The following TBC1D22A variants were observed in gnomAD, a reference collection of about 807,000 sequenced individuals.
TBC1D22A encodes putative GTPase activator.
Under a neutral mutation model 60.2 loss-of-function variants are expected in TBC1D22A, and 38 were observed. The ratio of observed to expected loss-of-function variants is 0.63; its 90% CI spans 0.49 to 0.83. TBC1D22A has a LOEUF of 0.83. Ranked by LOEUF, TBC1D22A falls within the 40% of genes least tolerant of loss-of-function variation. The pLI, the probability that TBC1D22A is intolerant of heterozygous loss-of-function variation, is 0.00. For synonymous variants in TBC1D22A, 302 were observed against 281.7 expected (o/e 1.07, Z -0.72); for missense variants, 628 against 701.0 (o/e 0.90, Z 1.18).
At chr22:47,063,276 G>A (rs536476866) in intron 11 of TBC1D22A, among the ~76,000 whole-genome samples, 6 of 152,288 alleles carry the variant, frequency 3.9e-5, no homozygotes, top group East Asian at 3.9e-4. Context: ...AAGGCTGTGC[G>A]TGACTCTGGG....
intron 11 of TBC1D22A, among the ~76,000 whole-genome samples, chr22:47,096,650 C>T (rs1387434116): frequency 4.6e-5 from 7 of 152,022 alleles, no homozygotes; most frequent in Non-Finnish European, 1.5e-5. Context: ...GGCAAAACCC[C>T]ATCTCTACTA....
rs557350505 is a variant in TBC1D22A, at chr22:47,169,985, C to T, written c.1426-3513C>T. ...AGGGATGGCTTCGCCCGTGGTGGCC[C>T]CTCTGCCTGCCTGGTGTGGGTGATG... On this transcript the variant is annotated intron_variant, in intron 12 of 12. Transcript: ENST00000337137. Among the ~76,000 whole-genome samples the T allele has an allele frequency of 7.9e-4, 120 of 152,366 alleles. 1 individual carries two copies. The highest frequency in any genetic ancestry group is 2.8e-3 in the African/African-American group (117 of 41,584).
Position 46,793,677 on chromosome 22 carries a change from A to G in TBC1D22A, c.296A>G (p.Asn99Ser), listed in dbSNP as rs1167533607. Residue 99 changes from asparagine to serine, a missense_variant, in exon 3 of 13, where the codon AAC becomes AGC. Transcript: ENST00000337137. Reference sequence around the variant, plus strand: ...TCCGAGGTGGTCATGGAGACGGCCAACCGTGTGCTGCGTAACCACAGCCAG... The same window carrying G: ...TCCGAGGTGGTCATGGAGACGGCCAGCCGTGTGCTGCGTAACCACAGCCAG... ...LNSEVVMETA[N>S]RVLRNHSQRQ... 4 of 1,613,110 alleles carry G rather than the reference A, an allele frequency of 2.5e-6. No individual in the cohort carries two copies. The highest frequency in any genetic ancestry group is 3.4e-6 in the Non-Finnish European group (4 of 1,179,986).
intron 11 of TBC1D22A, among the ~76,000 whole-genome samples, chr22:47,074,923 G>T (rs1037567760): frequency 1.3e-5 from 2 of 152,152 alleles, no homozygotes; most frequent in African/African-American, 4.8e-5. Flanking sequence ...GAACAAAGGG[G>T]TGTAATAGAG....
rs2068649979 is a variant in TBC1D22A, at chr22:47,175,422, C to G, written c.*1796C>G. 6.6e-6 allele frequency: 1 copy of G among 150,560 alleles called. No individual in the cohort carries two copies. The highest frequency in any genetic ancestry group is 1.5e-5 in the Non-Finnish European group (1 of 68,088). 9.3% of individuals were successfully genotyped at this position (150,560 alleles called of 1,614,324 possible). A position where few individuals can be genotyped will look rare whatever the true frequency, so the allele number is the denominator to read the frequency against. On this transcript the variant is annotated 3_prime_UTR_variant, in exon 13 of 13. Coordinates refer to ENST00000337137, the MANE Select transcript of TBC1D22A (RefSeq NM_014346.5). ...CCCATGTCGCTTTGCCGAGATCAGC[C>G]CTGGGAGGATCCCCTTCTCCAGCTC... is the stretch of plus-strand genomic sequence containing the variant.
chr22:47,019,063 G>T (rs2061994384), intron 10 of TBC1D22A, among the ~76,000 whole-genome samples: 1 of 152,216 alleles, frequency 6.6e-6, no homozygotes, highest in Non-Finnish European at 1.5e-5. Flanking sequence ...GAGACAGTGA[G>T]CAAGGCCAGC....
At chr22:47,047,416 G>A (rs780768700) in intron 11 of TBC1D22A, among the ~76,000 whole-genome samples, 9 of 152,208 alleles carry the variant, frequency 5.9e-5, no homozygotes, top group Non-Finnish European at 1.2e-4. Context: ...GCAGGGCAGC[G>A]TGCTGGGCGC....
chr22:47,157,930 C>T (rs990648080), intron 12 of TBC1D22A, among the ~76,000 whole-genome samples: 5 of 152,168 alleles, frequency 3.3e-5, no homozygotes. Context: ...CTGGGGGACT[C>T]CAGGCAGGTG....
intron 7 of TBC1D22A, among the ~76,000 whole-genome samples, chr22:46,909,087 T>G (rs1384446127): frequency 6.6e-6 from 1 of 152,116 alleles, no homozygotes; most frequent in African/African-American, 2.4e-5. Flanking sequence ...CTGGGTGAAG[T>G]TGGGTATGTC....
intron 8 of TBC1D22A, among the ~76,000 whole-genome samples, chr22:46,947,260 T>C (rs1020767712): frequency 6.6e-6 from 1 of 152,228 alleles, no homozygotes; most frequent in Non-Finnish European, 1.5e-5. Flanking sequence ...GACATGGTTC[T>C]TGGGTTCTTC....
At chr22:46,930,596 C>T (rs911928618) in intron 8 of TBC1D22A, among the ~76,000 whole-genome samples, 28 of 150,952 alleles carry the variant, frequency 1.9e-4, no homozygotes, top group African/African-American at 4.4e-4. Flanking sequence ...GCTGGGACTA[C>T]GGGCGCCCAC....
At chr22:47,085,054 C>A (rs776853312) in intron 11 of TBC1D22A, among the ~76,000 whole-genome samples, 1 of 152,172 alleles carries the variant, frequency 6.6e-6, no homozygotes, top group African/African-American at 2.4e-5. Context: ...CTAAGGCAGG[C>A]GGATCGCCTG....
chr22:46,785,692 A>G (rs1171945508), intron 1 of TBC1D22A, among the ~76,000 whole-genome samples: 3 of 152,246 alleles, frequency 2.0e-5, no homozygotes, highest in African/African-American at 4.8e-5. Context: ...AATAAATGGA[A>G]TAATATAATG....
chr22:47,161,838 A>T (rs1241003002), intron 12 of TBC1D22A, among the ~76,000 whole-genome samples: 1 of 152,220 alleles, frequency 6.6e-6, no homozygotes, highest in Non-Finnish European at 1.5e-5. Context: ...CCCTTCGAGC[A>T]TCCTCAGCTG....
chr22:46,878,830 C>T, intron 5 of TBC1D22A, 107 bp downstream of exon 5: 2 of 1,038,170 alleles, frequency 1.9e-6, no homozygotes, highest in East Asian at 4.8e-5. Context: ...TTTGCCTTGG[C>T]TTTGTTGCAG....
intron 2 of TBC1D22A, chr22:46,792,940 G>T: frequency 1.7e-6 from 2 of 1,206,270 alleles, no homozygotes; most frequent in South Asian, 1.8e-5. Context: ...CCCGGCCCTG[G>T]CCTGTCCTGG....
intron 11 of TBC1D22A, among the ~76,000 whole-genome samples, chr22:47,064,402 G>T (rs7287675): frequency 0.47 from 71,681 of 152,224 alleles, 17,584 homozygotes; most frequent in East Asian, 0.59. Flanking sequence ...CTCTGCAGAT[G>T]GAGCTGTTCA....
At chr22:47,173,376 G>A (rs1021607478) in intron 12 of TBC1D22A, 122 bp from the exon 13 acceptor site, 12 of 1,315,426 alleles carry the variant, frequency 9.1e-6, no homozygotes, top group South Asian at 2.7e-5. Context: ...TGGATCACCC[G>A]CCCTGCACCG....
chr22:47,027,164 A>G (rs529956574), intron 10 of TBC1D22A, among the ~76,000 whole-genome samples: 17 of 152,346 alleles, frequency 1.1e-4, no homozygotes, highest in African/African-American at 4.1e-4. Flanking sequence ...GGCAAAGCAT[A>G]TATTTGTTAT....
Sources: gnomAD v4.1 joint callset for allele counts (sites outside exome capture counted in the v4.1 genomes callset) on GRCh38, gnomAD v4.1.1 for gene constraint, MANE v1.5 for transcripts, NCBI Gene and HGNC (gene_info 2026-07-23, HGNC 2026-07-21) for gene names.